Variants in PRKAR1A observed in about 807,000 individuals in gnomAD.
The protein encoded by PRKAR1A is protein kinase cAMP-dependent type I regulatory subunit alpha.
In PRKAR1A, 3 loss-of-function variants were observed where a neutral mutation model predicts 52.0. The ratio of observed to expected loss-of-function variants is 0.06; its 90% confidence interval spans 0.03 to 0.15. The LOEUF (loss-of-function observed/expected upper bound fraction) is 0.15, where lower values mean the gene tolerates loss of function less well. Among genes scored for constraint, PRKAR1A ranks in the 10% least tolerant of loss-of-function variants. PRKAR1A has a pLI of 1.00. For synonymous variants in PRKAR1A, 188 were observed against 168.4 expected (o/e 1.12, Z -0.90); for missense variants, 240 against 477.4 (o/e 0.50, Z 4.63).
In PRKAR1A at chr17:68,532,781, T is replaced by C; in HGVS notation, c.*2332T>C. 1 of 1,066,528 alleles carries C rather than the reference T, an allele frequency of 9.4e-7. No homozygotes were observed. Among genetic ancestry groups the C allele is most frequent in the Non-Finnish European group, 1.1e-6 (1 of 879,790 alleles). 66.1% of individuals were successfully genotyped at this position (1,066,528 alleles called of 1,614,324 possible). A position where few individuals can be genotyped will look rare whatever the true frequency, so the allele number is the denominator to read the frequency against. On this transcript the variant is annotated 3_prime_UTR_variant, in exon 11 of 11. Transcript: ENST00000589228. ...ATTTAAATTCTTAAATGAATCAGTT[T>C]TTCTTCCCTTTCTCCTTTCCGTCTT... is the stretch of plus-strand genomic sequence containing the variant.
the PRKAR1A span, among the ~76,000 whole-genome samples, chr17:68,502,237 A>G: frequency 1.3e-5 from 2 of 152,204 alleles, no homozygotes; most frequent in African/African-American, 2.4e-5. Context: ...CCCCACAGCT[A>G]TAAGACAATT....
chr17:68,528,523 G>A, intron 8 of PRKAR1A: 1 of 248,098 alleles, frequency 4.0e-6, no homozygotes, highest in Non-Finnish European at 7.8e-6. Context: ...TATGGATGGG[G>A]AAACTATGAC....
chr17:68,479,800 A>C, the PRKAR1A span, among the ~76,000 whole-genome samples: 2 of 152,222 alleles, frequency 1.3e-5, no homozygotes, highest in African/African-American at 4.8e-5. Flanking sequence ...AAAGAAGTTT[A>C]ATTTACCCAC....
the PRKAR1A span, among the ~76,000 whole-genome samples, chr17:68,495,972 C>T: frequency 7.8e-4 from 28 of 36,112 alleles, 1 homozygote; most frequent in Admixed American, 9.0e-3. Flanking sequence ...CTCTCCTCTC[C>T]TCTCTCCTCT....
the PRKAR1A span, among the ~76,000 whole-genome samples, chr17:68,500,809 G>T: frequency 6.6e-6 from 1 of 151,996 alleles, no homozygotes; most frequent in African/African-American, 2.4e-5. Context: ...GAGCCACGGC[G>T]CCCGGCCTCA....
At chr17:68,456,901 T>C in the PRKAR1A span, among the ~76,000 whole-genome samples, 3 of 152,188 alleles carry the variant, frequency 2.0e-5, no homozygotes, top group Non-Finnish European at 2.9e-5. Context: ...GGAAAGTTTT[T>C]CCTGTACTCT....
chr17:68,455,551 C>A, the PRKAR1A span, among the ~76,000 whole-genome samples: 36 of 152,246 alleles, frequency 2.4e-4, no homozygotes, highest in African/African-American at 7.0e-4. Context: ...AGGGGCTTGA[C>A]TTATTTTAAA....
chr17:68,473,696 T>C, the PRKAR1A span, among the ~76,000 whole-genome samples: 5 of 152,128 alleles, frequency 3.3e-5, no homozygotes, highest in Admixed American at 3.3e-4. Context: ...CTATTTTTTG[T>C]ACTTTTACTA....
chr17:68,428,626 C>G, the PRKAR1A span: 1 of 533,056 alleles, frequency 1.9e-6, no homozygotes, highest in Non-Finnish European at 3.4e-6. Flanking sequence ...TTAATCCTGG[C>G]ACTTTTCCAG....
the PRKAR1A span, among the ~76,000 whole-genome samples, chr17:68,482,462 CT>C: frequency 6.6e-6 from 1 of 152,058 alleles, no homozygotes; most frequent in African/African-American, 2.4e-5. Flanking sequence ...ATTATTGGGA[CT>C]TTTTTTACGG....
the PRKAR1A span, among the ~76,000 whole-genome samples, chr17:68,491,967 TGGCCATG>T: frequency 6.6e-6 from 1 of 152,202 alleles, no homozygotes; most frequent in Non-Finnish European, 1.5e-5. Context: ...GTGTCTGTCC[TGGCCATG>T]GGCCAGCAGA....
the PRKAR1A span, chr17:68,422,810 T>G: frequency 1.3e-5 from 2 of 151,174 alleles, no homozygotes; most frequent in Admixed American, 6.6e-5. Flanking sequence ...CTCACAAGAT[T>G]GGGACTAGTC....
At chr17:68,437,172 A>G in the PRKAR1A span, among the ~76,000 whole-genome samples, 17 of 152,130 alleles carry the variant, frequency 1.1e-4, no homozygotes, top group Non-Finnish European at 2.1e-4. Flanking sequence ...AAAAGTCAGT[A>G]CATATTGGTC....
At chr17:68,453,010 A>G in the PRKAR1A span, 21 of 1,598,118 alleles carry the variant, frequency 1.3e-5, no homozygotes, top group Non-Finnish European at 1.8e-5. Context: ...GGATAATGAC[A>G]GCATGGGAAT....
Position 68,532,063 on chromosome 17 carries a change from T to C in PRKAR1A, c.*1614T>C. On this transcript the variant is annotated 3_prime_UTR_variant, in exon 11 of 11. Transcript: ENST00000589228. ...TTAGGTTGTTACCAAGTATGAAGTA[T>C]AAATCTGGGGAAGAGGTTTTATTTA... 9.4e-7 allele frequency: 1 copy of C among 1,065,484 alleles called. No homozygotes were observed. The highest frequency in any genetic ancestry group is 1.1e-6 in the Non-Finnish European group (1 of 879,136). 66.0% of individuals were successfully genotyped at this position (1,065,484 alleles called of 1,614,324 possible). A position where few individuals can be genotyped will look rare whatever the true frequency, so the allele number is the denominator to read the frequency against.
At chr17:68,468,607 A>C in the PRKAR1A span, among the ~76,000 whole-genome samples, 1 of 152,284 alleles carries the variant, frequency 6.6e-6, no homozygotes. Flanking sequence ...TTTGGTACCT[A>C]TTATGTCCAT....
chr17:68,507,662 AACAT>A (rs898277365), upstream of PRKAR1A, among the ~76,000 whole-genome samples: 32 of 152,258 alleles, frequency 2.1e-4, no homozygotes, highest in African/African-American at 7.5e-4. Context: ...AAAACAAACA[AACAT>A]ACATACATCT....
At chr17:68,515,647 A>G (rs1422254596) in intron 2 of PRKAR1A, 71 bp downstream of exon 2, 5 of 1,513,106 alleles carry the variant, frequency 3.3e-6, no homozygotes, top group East Asian at 4.7e-5. Context: ...GAATGTTACT[A>G]ATTTGTATTT....
intron 1 of PRKAR1A, 172 bp from the exon 2 acceptor site, chr17:68,515,222 G>A: frequency 1.5e-6 from 1 of 672,960 alleles, no homozygotes; most frequent in Non-Finnish European, 2.6e-6. Flanking sequence ...TTGGAATAAT[G>A]CTAATTCTGT....
Sources: allele counts gnomAD v4.1 joint callset (sites outside exome capture counted in the v4.1 genomes callset), GRCh38; gene constraint gnomAD v4.1.1; transcripts MANE v1.5; gene names NCBI Gene and HGNC (gene_info 2026-07-23, HGNC 2026-07-21).